Variants in ITGA9 observed in about 807,000 individuals in gnomAD.
The protein encoded by ITGA9 is integrin alpha-9.
Under a neutral mutation model 127.8 loss-of-function variants are expected in ITGA9, and 56 were observed. The observed-to-expected ratio is 0.44, with a 90% CI of 0.35 to 0.55. The LOEUF (loss-of-function observed/expected upper bound fraction) is 0.55. ITGA9 is among the 20% of genes least tolerant of loss of function. ITGA9 has a pLI of 0.00. For synonymous variants in ITGA9, 508 were observed against 514.5 expected, an observed-to-expected ratio of 0.99 and a Z score of 0.17; for missense variants, 1,196 against 1,347.1, an observed-to-expected ratio of 0.89 and a Z score of 1.76.
At chr3:37,483,489 G>A (rs572529090) in intron 4 of ITGA9, among the ~76,000 whole-genome samples, 9 of 152,182 alleles carry the variant, frequency 5.9e-5, no homozygotes, top group Non-Finnish European at 1.2e-4. Flanking sequence ...CACCAGTGAG[G>A]CAGGGGGAAG....
chr3:37,803,811 G>C lies in ITGA9; in HGVS notation c.2890-12G>C, dbSNP rs373646093. ...AAAAAGGAAATGTTTTCACTGTTGC[G>C]TTGCCTCCTAGGTGGTCTTCGAGGC... On this transcript the variant is annotated splice_polypyrimidine_tract_variant and intron_variant, in intron 26 of 27. Transcript: ENST00000264741. 169 of 1,613,938 alleles carry C rather than the reference G, an allele frequency of 1.0e-4. 1 individual carries two copies. In the South Asian group the frequency reaches 1.2e-3, roughly 11 times the overall value.
chr3:37,670,846 C>T (rs950289761), intron 17 of ITGA9, among the ~76,000 whole-genome samples: 2 of 152,082 alleles, frequency 1.3e-5, no homozygotes, highest in African/African-American at 2.4e-5. Flanking sequence ...TATTTATGGC[C>T]GTATTTGGTT....
rs139425488 is a variant in ITGA9, at chr3:37,695,218, A to G, written c.2067+11203A>G. On this transcript the variant is annotated intron_variant, in intron 18 of 27. Coordinates refer to ENST00000264741, the MANE Select transcript of ITGA9 (RefSeq NM_002207.3). ...CACTTTCCACCCAGGGGTGAAGTGT[A>G]GACAGTGGGGCTTCAATAGCTTAAG... Among the ~76,000 whole-genome samples, 468 of 152,340 alleles carry G rather than the reference A, an allele frequency of 3.1e-3. 2 individuals carry two copies. The highest frequency in any genetic ancestry group is 0.019 in the South Asian group (93 of 4,818).
At chr3:37,484,357 A>T (rs1338188344) in intron 4 of ITGA9, among the ~76,000 whole-genome samples, 2 of 152,030 alleles carry the variant, frequency 1.3e-5, no homozygotes, top group East Asian at 3.9e-4. Context: ...GGCTGGGAGG[A>T]TGCCGGCCGT....
At chr3:37,767,811 A>G (rs914400594) in intron 23 of ITGA9, among the ~76,000 whole-genome samples, 19 of 152,198 alleles carry the variant, frequency 1.2e-4, no homozygotes, top group Admixed American at 1.1e-3. Flanking sequence ...TCACAAAGCA[A>G]AAGACCATCA....
At chr3:37,650,428 T>C (rs1700418800) in intron 16 of ITGA9, among the ~76,000 whole-genome samples, 1 of 152,030 alleles carries the variant, frequency 6.6e-6, no homozygotes, top group Admixed American at 6.6e-5. Flanking sequence ...CATCCATTAA[T>C]GTTTGTTTGT....
intron 23 of ITGA9, among the ~76,000 whole-genome samples, chr3:37,770,709 C>A (rs1696832069): frequency 6.6e-6 from 1 of 152,210 alleles, no homozygotes; most frequent in African/African-American, 2.4e-5. Context: ...GAAGCAAGGT[C>A]TTGCCAGATC....
At chr3:37,700,492 G>A (rs1700934825) in intron 18 of ITGA9, among the ~76,000 whole-genome samples, 2 of 152,084 alleles carry the variant, frequency 1.3e-5, no homozygotes, top group South Asian at 2.1e-4. Context: ...GGGAATACAG[G>A]CATGCACCAC....
chr3:37,573,042 G>A (rs548150348), intron 15 of ITGA9: 4 of 152,304 alleles, frequency 2.6e-5, no homozygotes, highest in African/African-American at 9.6e-5. Flanking sequence ...ATTAGCTTCT[G>A]TTAGTCCCAT....
At chr3:37,654,295 G>T (rs972643489) in intron 17 of ITGA9, among the ~76,000 whole-genome samples, 2 of 152,052 alleles carry the variant, frequency 1.3e-5, no homozygotes, top group African/African-American at 4.8e-5. Context: ...GGGGCAGGCT[G>T]CCCTGATCCA....
At chr3:37,576,410 T>C (rs1388671430) in intron 15 of ITGA9, among the ~76,000 whole-genome samples, 1 of 152,236 alleles carries the variant, frequency 6.6e-6, no homozygotes, top group Non-Finnish European at 1.5e-5. Context: ...TATATGTCAA[T>C]GTTGGGATCT....
At chr3:37,707,384 C>G (rs529698680) in intron 18 of ITGA9, among the ~76,000 whole-genome samples, 1 of 152,246 alleles carries the variant, frequency 6.6e-6, no homozygotes, top group African/African-American at 2.4e-5. Flanking sequence ...TATTTGAAGA[C>G]GTTTATGAAA....
At chr3:37,618,980 G>A (rs574262055) in intron 15 of ITGA9, among the ~76,000 whole-genome samples, 1 of 152,244 alleles carries the variant, frequency 6.6e-6, no homozygotes, top group South Asian at 2.1e-4. Flanking sequence ...TGCACCCACT[G>A]TCTGACACTC....
At chr3:37,692,455 T>TA (rs969394999) in intron 18 of ITGA9, among the ~76,000 whole-genome samples, 96 of 147,984 alleles carry the variant, frequency 6.5e-4, no homozygotes, top group African/African-American at 1.8e-3. Context: ...CTACATACTG[T>TA]AAAAAAAAAT....
intron 27 of ITGA9, among the ~76,000 whole-genome samples, chr3:37,816,092 G>T (rs926104979): frequency 6.6e-6 from 1 of 152,150 alleles, no homozygotes; most frequent in African/African-American, 2.4e-5. Context: ...AATCAAGGCT[G>T]GGAAAATAGA....
Position 37,700,456 on chromosome 3 carries a change from C to T in ITGA9, c.2067+16441C>T, listed in dbSNP as rs1280323243. The stretch of plus-strand genomic sequence containing the variant: ...GCAACCTCCACCTCCCAGGCTCAAG[C>T]GATCCTCCCAGCCTCCGGAGTAGTT... On this transcript the variant is annotated intron_variant, in intron 18 of 27. Transcript: ENST00000264741. Among the ~76,000 whole-genome samples, 27 of 152,128 alleles carry T rather than the reference C, an allele frequency of 1.8e-4. 1 individual carries two copies. The highest frequency in any genetic ancestry group is 7.2e-4 in the Admixed American group (11 of 15,284).
chr3:37,727,090 C>T (rs545723892), intron 18 of ITGA9, among the ~76,000 whole-genome samples: 2 of 152,338 alleles, frequency 1.3e-5, no homozygotes, highest in East Asian at 3.9e-4. Context: ...CACAGCCCTC[C>T]ATAGAGTATC....
chr3:37,625,066 G>T (rs1700163725), intron 15 of ITGA9, among the ~76,000 whole-genome samples: 1 of 152,044 alleles, frequency 6.6e-6, no homozygotes, highest in South Asian at 2.1e-4. Context: ...CCCACCTTTG[G>T]GAGTCAGATG....
intron 18 of ITGA9, among the ~76,000 whole-genome samples, chr3:37,721,504 C>T (rs1291386384): frequency 2.0e-5 from 3 of 152,180 alleles, no homozygotes; most frequent in Non-Finnish European, 4.4e-5. Context: ...TTGACTCTAG[C>T]TTTTGCTTGT....
Sources: allele counts gnomAD v4.1 joint callset (sites outside exome capture counted in the v4.1 genomes callset), GRCh38; gene constraint gnomAD v4.1.1; transcripts MANE v1.5; gene names NCBI Gene and HGNC (gene_info 2026-07-23, HGNC 2026-07-21).